Variants in FHAD1 observed in about 807,000 individuals in gnomAD.
FHAD1 encodes the protein forkhead-associated domain-containing protein 1.
A neutral mutation model predicts 191.3 loss-of-function variants in FHAD1; 146 were observed. That is an observed-to-expected ratio of 0.76 (90% confidence interval 0.67 to 0.88). The LOEUF (loss-of-function observed/expected upper bound fraction) is 0.88, where lower values mean the gene tolerates loss of function less well. Among genes scored for constraint, FHAD1 ranks in the 40% least tolerant of loss-of-function variants. FHAD1 has a pLI of 0.00. For missense variants in FHAD1, 1,635 were observed against 1,785.8 expected (o/e 0.92, Z 1.52); for synonymous variants, 616 against 672.3 (o/e 0.92, Z 1.29).
intron 14 of FHAD1, chr1:15,335,542 T>C (rs1683686916): frequency 6.6e-6 from 1 of 151,992 alleles, no homozygotes; most frequent in African/African-American, 2.4e-5. Context: ...GACATCAAAC[T>C]GTTAGGAGTA....
intron 19 of FHAD1, among the ~76,000 whole-genome samples, chr1:15,350,365 AT>A (rs1358940657): frequency 2.0e-5 from 3 of 152,202 alleles, no homozygotes; most frequent in Non-Finnish European, 4.4e-5. Context: ...AGGAAGTGAC[AT>A]TCCAGTGAGA....
chr1:15,388,774 G>A (rs547804993), intron 32 of FHAD1, among the ~76,000 whole-genome samples: 1 of 152,284 alleles, frequency 6.6e-6, no homozygotes, highest in South Asian at 2.1e-4. Flanking sequence ...ATGCTCGTAA[G>A]TGCTCTTAGA....
chr1:15,324,021 G>C (rs2101682088), intron 10 of FHAD1, among the ~76,000 whole-genome samples: 1 of 152,266 alleles, frequency 6.6e-6, no homozygotes, highest in Non-Finnish European at 1.5e-5. Context: ...ACCTGTTCTA[G>C]GTCACAACAT....
In FHAD1 at chr1:15,294,892, C is replaced by T. The variant is rs571094692; in HGVS notation, c.569-1792C>T. ...CTTCTCCTCGAACAGGCAGTAAGGC[C>T]GCAGCTCTAAGGCCGAATCTTAATG... On this transcript the variant is annotated intron_variant, in intron 4 of 33. Coordinates refer to ENST00000688493, the MANE Select transcript of FHAD1 (RefSeq NM_001391957.1). Among the ~76,000 whole-genome samples, 4 of 152,096 alleles carry T rather than the reference C, an allele frequency of 2.6e-5. No individual in the cohort carries two copies. In the South Asian group the frequency reaches 6.3e-4, roughly 24 times the overall value.
At chr1:15,314,207 T>C (rs1446267082) in intron 8 of FHAD1, among the ~76,000 whole-genome samples, 1 of 152,198 alleles carries the variant, frequency 6.6e-6, no homozygotes, top group East Asian at 1.9e-4. Flanking sequence ...AGGTAAAACC[T>C]AACAGCTTTC....
chr1:15,280,316 C>G (rs1189506340), intron 3 of FHAD1, among the ~76,000 whole-genome samples: 1 of 152,310 alleles, frequency 6.6e-6, no homozygotes, highest in East Asian at 1.9e-4. Context: ...TGTGCTGTTA[C>G]AGCTCTTGGA....
chr1:15,393,438 A>G (rs983635647), intron 33 of FHAD1, among the ~76,000 whole-genome samples: 1 of 151,404 alleles, frequency 6.6e-6, no homozygotes, highest in South Asian at 2.1e-4. Context: ...ACGCACACAC[A>G]CACACACACA....
downstream of FHAD1, among the ~76,000 whole-genome samples, chr1:15,401,193 G>C (rs1570746547): frequency 6.6e-6 from 1 of 152,226 alleles, no homozygotes; most frequent in East Asian, 1.9e-4. Context: ...AATGAGGAAG[G>C]TCAGAGAATC....
intron 2 of FHAD1, among the ~76,000 whole-genome samples, chr1:15,267,379 T>C (rs558787882): frequency 6.6e-6 from 1 of 152,206 alleles, no homozygotes; most frequent in South Asian, 2.1e-4. Flanking sequence ...AGACTTCACG[T>C]CTATGTATAT....
intron 8 of FHAD1, chr1:15,314,323 G>T (rs905612552): frequency 1.3e-5 from 2 of 152,126 alleles, no homozygotes; most frequent in Non-Finnish European, 2.9e-5. Context: ...GGCTCTGACC[G>T]CAGTGCCCCA....
Position 15,327,316 on chromosome 1 carries a change from A to C in FHAD1, c.1557+174A>C. On this transcript the variant is annotated intron_variant, in intron 12 of 33. Coordinates refer to ENST00000688493, the MANE Select transcript of FHAD1 (RefSeq NM_001391957.1). This position sits in a 1 kb window ranked among gnomAD's most constrained non-coding sequence, Gnocchi z 5.1. The stretch of plus-strand genomic sequence containing the variant: ...ATTTTATGGGATTTCCTGGCTTTTA[A>C]AGTAAAAGCCAGTTAAAACTCCCTT... 2 of 551,934 alleles carry C rather than the reference A, an allele frequency of 3.6e-6. No individual in the cohort carries two copies. Among genetic ancestry groups the C allele is most frequent in the Non-Finnish European group, 3.2e-6 (1 of 307,970 alleles). 34.2% of individuals were successfully genotyped at this position (551,934 alleles called of 1,614,324 possible). A position where few individuals can be genotyped will look rare whatever the true frequency, so the allele number is the denominator to read the frequency against.
At chr1:15,354,524 C>T (rs1289593317) in intron 20 of FHAD1, among the ~76,000 whole-genome samples, 1 of 152,040 alleles carries the variant, frequency 6.6e-6, no homozygotes, top group African/African-American at 2.4e-5. Flanking sequence ...TGGGAGAGCC[C>T]GAGAAAGGCA....
intron 14 of FHAD1, among the ~76,000 whole-genome samples, chr1:15,339,150 G>A (rs1685503147): frequency 6.6e-6 from 1 of 152,112 alleles, no homozygotes; most frequent in South Asian, 2.1e-4. Flanking sequence ...CCAAGTAGCT[G>A]GAATTACAAA....
At chr1:15,370,761 A>G (rs1697842531) in intron 26 of FHAD1, among the ~76,000 whole-genome samples, 3 of 152,296 alleles carry the variant, frequency 2.0e-5, no homozygotes, top group Non-Finnish European at 4.4e-5. Context: ...GGTGAGACTC[A>G]GTGGTTCCTC....
intron 4 of FHAD1, among the ~76,000 whole-genome samples, chr1:15,293,633 G>T (rs6690624): frequency 6.6e-6 from 1 of 152,030 alleles, no homozygotes; most frequent in African/African-American, 2.4e-5. Context: ...CAGGAGAATC[G>T]CTTGAACCCG....
At chr1:15,356,097 G>C (rs907653808) in intron 20 of FHAD1, among the ~76,000 whole-genome samples, 1 of 152,188 alleles carries the variant, frequency 6.6e-6, no homozygotes, top group Non-Finnish European at 1.5e-5. Flanking sequence ...TTATGACCAA[G>C]TTAGTGATTG....
chr1:15,291,400 T>C (rs532154116), intron 4 of FHAD1, among the ~76,000 whole-genome samples: 1 of 152,200 alleles, frequency 6.6e-6, no homozygotes, highest in Non-Finnish European at 1.5e-5. Flanking sequence ...TATACTCTTA[T>C]TGTATATCTC....
intron 10 of FHAD1, among the ~76,000 whole-genome samples, chr1:15,323,290 G>A (rs1220025516): frequency 6.6e-6 from 1 of 152,196 alleles, no homozygotes; most frequent in Non-Finnish European, 1.5e-5. Context: ...GCTGGGGCTG[G>A]GGGCGGGGAG....
chr1:15,258,081 A>C (rs1244714213), intron 2 of FHAD1, among the ~76,000 whole-genome samples: 1 of 152,092 alleles, frequency 6.6e-6, no homozygotes, highest in African/African-American at 2.4e-5. Flanking sequence ...ACCTCAGGTG[A>C]TCCACCTGCC....
Sources: gnomAD v4.1 joint callset for allele counts (sites outside exome capture counted in the v4.1 genomes callset) on GRCh38, gnomAD v4.1.1 for gene constraint, Gnocchi (gnomAD v3.1) non-coding constraint, MANE v1.5 for transcripts, NCBI Gene and HGNC (gene_info 2026-07-23, HGNC 2026-07-21) for gene names.